Variants in F13A1 observed in about 807,000 individuals in gnomAD.
The protein encoded by F13A1 is FSF, A subunit.
F13A1 carries 47 observed loss-of-function variants against 80.1 expected under a neutral mutation model. The observed-to-expected ratio is 0.59, with a 90% CI of 0.46 to 0.75. F13A1 has a LOEUF of 0.75. F13A1 is among the 30% of genes least tolerant of loss of function. The probability of loss-of-function intolerance (pLI) is 0.00; values close to 1 mark genes in which losing one functional copy is unlikely to be tolerated. For synonymous variants in F13A1, 349 were observed against 344.9 expected (o/e 1.01, Z -0.13); for missense variants, 817 against 930.4 (o/e 0.88, Z 1.59).
At chr6:6,147,003 A>C (rs77597744) in intron 14 of F13A1, among the ~76,000 whole-genome samples, 1 of 152,222 alleles carries the variant, frequency 6.6e-6, no homozygotes, top group East Asian at 1.9e-4. Context: ...TGGAATTCAC[A>C]GTGACCTAGA....
At chr6:6,271,999 T>C (rs952050203) in intron 3 of F13A1, among the ~76,000 whole-genome samples, 1 of 152,238 alleles carries the variant, frequency 6.6e-6, no homozygotes, top group Admixed American at 6.5e-5. Context: ...TTGAGCTTTG[T>C]GCACAGTTTC....
At chr6:6,279,315 G>A (rs1758029964) in intron 3 of F13A1, among the ~76,000 whole-genome samples, 1 of 152,192 alleles carries the variant, frequency 6.6e-6, no homozygotes, top group Non-Finnish European at 1.5e-5. Context: ...ATCTAGAGAT[G>A]TGAGACAGAG....
At chr6:6,288,248 T>C (rs1758165453) in intron 3 of F13A1, among the ~76,000 whole-genome samples, 1 of 152,214 alleles carries the variant, frequency 6.6e-6, no homozygotes, top group South Asian at 2.1e-4. Flanking sequence ...CACCAAGCCA[T>C]GCAGTAGATC....
rs112528266 is a variant in F13A1 at position 6,196,365 on chromosome 6, G to A, written c.1217-480C>T. ...GCCATGCCCACCATGCATTTAGGAA[G>A]TCAGAGGGCCTATGTTACTCTTCTA... On this transcript the variant is annotated intron_variant, in intron 9 of 14. Coordinates refer to ENST00000264870, the MANE Select transcript of F13A1 (RefSeq NM_000129.4). Among the ~76,000 whole-genome samples the A allele has an allele frequency of 5.9e-3, 895 of 152,336 alleles. 13 individuals carry two copies. The highest frequency in any genetic ancestry group is 0.02 in the African/African-American group (842 of 41,580).
intron 8 of F13A1, among the ~76,000 whole-genome samples, chr6:6,210,258 T>C (rs1761578770): frequency 7.0e-6 from 1 of 143,022 alleles, no homozygotes; most frequent in Non-Finnish European, 1.5e-5. Flanking sequence ...AATAAAAATA[T>C]ACTAAAAATT....
At chr6:6,151,392 A>T (rs1013335956) in intron 14 of F13A1, among the ~76,000 whole-genome samples, 5 of 152,220 alleles carry the variant, frequency 3.3e-5, no homozygotes, top group Non-Finnish European at 7.3e-5. Context: ...AATATCTGAC[A>T]CGTGGTAGGA....
chr6:6,197,522 A>G (rs1761312709), intron 8 of F13A1, among the ~76,000 whole-genome samples, 196 bp from the exon 9 acceptor site: 2 of 152,178 alleles, frequency 1.3e-5, no homozygotes, highest in South Asian at 2.1e-4. Context: ...TACTAAAAAT[A>G]CAAAAATTAG....
intron 6 of F13A1, among the ~76,000 whole-genome samples, chr6:6,234,295 C>T (rs1757388458): frequency 6.6e-6 from 1 of 151,994 alleles, no homozygotes; most frequent in Non-Finnish European, 1.5e-5. Flanking sequence ...TAGCTCTTCT[C>T]TACATCAACA....
At chr6:6,313,004 T>C (rs2113198301) in intron 2 of F13A1, among the ~76,000 whole-genome samples, 1 of 152,322 alleles carries the variant, frequency 6.6e-6, no homozygotes. Flanking sequence ...ACTCTGAAGA[T>C]GACTGTATAA....
intron 8 of F13A1, among the ~76,000 whole-genome samples, chr6:6,212,868 A>C (rs1466855424): frequency 0.017 from 2,628 of 151,394 alleles, 70 homozygotes; most frequent in African/African-American, 0.059. Flanking sequence ...AGGCTCGAGA[A>C]CTAAGTGAAG....
chr6:6,257,729 G>A (rs144427546), intron 4 of F13A1, among the ~76,000 whole-genome samples: 1 of 152,270 alleles, frequency 6.6e-6, no homozygotes, highest in African/African-American at 2.4e-5. Context: ...GTACAACATA[G>A]TTTACATTCC....
chr6:6,231,681 C>G (rs1267839), intron 6 of F13A1, among the ~76,000 whole-genome samples: 9 of 152,160 alleles, frequency 5.9e-5, no homozygotes, highest in Admixed American at 2.0e-4. Context: ...GAGACAGAAG[C>G]ATCAGGTAAC....
At chr6:6,289,790 A>T (rs1457740036) in intron 3 of F13A1, among the ~76,000 whole-genome samples, 1 of 151,896 alleles carries the variant, frequency 6.6e-6, no homozygotes, top group East Asian at 1.9e-4. Context: ...TGCTTCCAAA[A>T]TGTCATGCTC....
At chr6:6,285,117 C>T (rs941706914) in intron 3 of F13A1, among the ~76,000 whole-genome samples, 2 of 152,152 alleles carry the variant, frequency 1.3e-5, no homozygotes, top group Non-Finnish European at 2.9e-5. Context: ...GGCCTGGTGG[C>T]GGGCACCTGT....
chr6:6,260,131 C>T (rs937936488), intron 4 of F13A1, among the ~76,000 whole-genome samples: 2 of 152,274 alleles, frequency 1.3e-5, no homozygotes, highest in African/African-American at 4.8e-5. Flanking sequence ...ACCCGAAGCC[C>T]GGTTAGCACC....
chr6:6,174,812 C>T lies in F13A1; in HGVS notation c.1515G>A (p.Lys505=). Residue 505 remains lysine, a synonymous_variant, in exon 12 of 15, where the codon AAG becomes AAA. Coordinates refer to ENST00000264870, the MANE Select transcript of F13A1 (RefSeq NM_000129.4). ...TCATGACACCTTCTGTGTTGAGGGGCTTTTTAGCTCCGTACATCAGGGCAG... is the reference window on the plus strand; with the variant it reads ...TCATGACACCTTCTGTGTTGAGGGGTTTTTTAGCTCCGTACATCAGGGCAG... The part of the protein sequence containing the change: ...LETALMYGAK[K]PLNTEGVMKS... 3 of 1,614,130 alleles carry T rather than the reference C, an allele frequency of 1.9e-6. No individual in the cohort carries two copies. The highest frequency in any genetic ancestry group is 1.1e-5 in the South Asian group (1 of 91,070).
Position 6,250,920 on chromosome 6 carries a change from A to G in F13A1, c.581T>C (p.Val194Ala). Residue 194 changes from valine (V) to alanine (A), a missense_variant, in exon 5 of 15, where the codon GTG (valine) becomes GCG (alanine). Coordinates refer to ENST00000264870, the MANE Select transcript of F13A1 (RefSeq NM_000129.4). The surrounding 1 kb of genome is among the most constrained non-coding windows in gnomAD (Gnocchi z 4.2). ...LFNPWCEDDA[V>A]YLDNEKEREE... is the part of the protein sequence containing the mutation. ...TCTTTCTTTCTCATTGTCCAGATAC[A>G]CAGCATCATCTGCATCAGGGTTTAA... 1 of 1,607,578 alleles carries G rather than the reference A, an allele frequency of 6.2e-7. No individual in the cohort carries two copies. Among genetic ancestry groups the G allele is most frequent in the Non-Finnish European group, 8.5e-7 (1 of 1,174,540 alleles).
At chr6:6,158,924 C>T (rs1478526906) in intron 13 of F13A1, among the ~76,000 whole-genome samples, 10 of 125,736 alleles carry the variant, frequency 8.0e-5, no homozygotes, top group South Asian at 5.1e-4. Context: ...TTTTTCGAGA[C>T]GGAGTCTTGC....
intron 6 of F13A1, among the ~76,000 whole-genome samples, chr6:6,246,532 A>G (rs1047520042): frequency 6.6e-6 from 1 of 152,244 alleles, no homozygotes; most frequent in Non-Finnish European, 1.5e-5. Context: ...CCGTTTTCCA[A>G]ATGGATTTTC....
Sources: allele counts gnomAD v4.1 joint callset (sites outside exome capture counted in the v4.1 genomes callset), GRCh38; gene constraint gnomAD v4.1.1; non-coding constraint Gnocchi (gnomAD v3.1); transcripts MANE v1.5; gene names NCBI Gene and HGNC (gene_info 2026-07-23, HGNC 2026-07-21).